Variants in ATP8A2 observed in about 807,000 individuals in gnomAD.
ATP8A2 encodes the protein ATPase phospholipid transporting 8A2, also known as phospholipid-transporting ATPase IB.
A neutral mutation model predicts 165.6 loss-of-function variants in ATP8A2; 100 were observed. The observed-to-expected ratio is 0.60, with a 90% confidence interval of 0.51 to 0.71. ATP8A2 has a LOEUF of 0.71. ATP8A2 is among the 30% of genes least tolerant of loss of function. The pLI is 0.00. For missense variants in ATP8A2, 1,227 were observed against 1,479.5 expected, an observed-to-expected ratio of 0.83 and a Z score of 2.80; for synonymous variants, 543 against 548.8, an observed-to-expected ratio of 0.99 and a Z score of 0.15.
At chr13:25,692,158 A>G (rs2042738644) in intron 24 of ATP8A2, among the ~76,000 whole-genome samples, 3 of 152,228 alleles carry the variant, frequency 2.0e-5, no homozygotes, top group Admixed American at 2.0e-4. Flanking sequence ...ACGGAGGGGA[A>G]GAAAAAGCAT....
intron 18 of ATP8A2, 103 bp downstream of exon 18, chr13:25,571,795 C>G (rs760183276): frequency 9.4e-7 from 1 of 1,063,108 alleles, no homozygotes; most frequent in Non-Finnish European, 1.5e-6. Context: ...ATTTCTCTTT[C>G]AGTGAAAAAT....
chr13:25,871,580 G>C (rs1952678888), intron 33 of ATP8A2, among the ~76,000 whole-genome samples: 1 of 152,172 alleles, frequency 6.6e-6, no homozygotes, highest in Non-Finnish European at 1.5e-5. Flanking sequence ...GTACCAAGAA[G>C]TTTCTGTTTC....
chr13:25,533,457 C>T (rs7319869), intron 6 of ATP8A2, 144 bp downstream of exon 6: 313,668 of 506,248 alleles, frequency 0.62, 102,956 homozygotes, highest in African/African-American at 0.69. Context: ...GTGTTTACTC[C>T]TTCCCTTGCA....
chr13:25,513,987 G>C (rs1413613296), intron 2 of ATP8A2, among the ~76,000 whole-genome samples: 296 of 146,072 alleles, frequency 2.0e-3, no homozygotes, highest in African/African-American at 6.8e-3. Context: ...TGGGAGAGGG[G>C]GAGGGGGAGG....
chr13:25,391,432 C>G (rs1226351914), intron 1 of ATP8A2, among the ~76,000 whole-genome samples: 1 of 152,198 alleles, frequency 6.6e-6, no homozygotes, highest in Non-Finnish European at 1.5e-5. Context: ...AGGTCACCAA[C>G]GTGCCAGGCA....
intron 24 of ATP8A2, among the ~76,000 whole-genome samples, chr13:25,673,417 T>C (rs1320115794): frequency 6.6e-6 from 1 of 152,272 alleles, no homozygotes; most frequent in Non-Finnish European, 1.5e-5. Flanking sequence ...GACTTCTGTA[T>C]ACTGCACAGG....
At chr13:25,466,561 C>A (rs2035673874) in intron 1 of ATP8A2, among the ~76,000 whole-genome samples, 2 of 152,170 alleles carry the variant, frequency 1.3e-5, no homozygotes, top group South Asian at 4.1e-4. Context: ...TTTTCAAGGG[C>A]AGGAACCTGA....
intron 24 of ATP8A2, among the ~76,000 whole-genome samples, chr13:25,621,576 C>T (rs563707351): frequency 6.6e-6 from 1 of 152,282 alleles, no homozygotes; most frequent in South Asian, 2.1e-4. Context: ...TTTTTCTTCA[C>T]TCCAGCTAAT....
intron 15 of ATP8A2, among the ~76,000 whole-genome samples, chr13:25,560,033 G>A (rs573386273): frequency 3.0e-4 from 46 of 152,028 alleles, no homozygotes; most frequent in Non-Finnish European, 5.4e-4. Flanking sequence ...TCACTATGTT[G>A]CTCAGGCTGG....
chr13:25,501,174 A>T (rs1370467181), intron 2 of ATP8A2, among the ~76,000 whole-genome samples: 2 of 152,166 alleles, frequency 1.3e-5, no homozygotes, highest in African/African-American at 4.8e-5. Context: ...CGAGTATGGT[A>T]AGACCTGCAG....
At chr13:25,465,217 G>A (rs1305586586) in intron 1 of ATP8A2, among the ~76,000 whole-genome samples, 1 of 152,108 alleles carries the variant, frequency 6.6e-6, no homozygotes. Context: ...GTTTCCTTAG[G>A]CAATATGTTT....
At chr13:25,659,413 A>G (rs1174219534) in intron 24 of ATP8A2, among the ~76,000 whole-genome samples, 3 of 152,112 alleles carry the variant, frequency 2.0e-5, no homozygotes, top group African/African-American at 7.2e-5. Flanking sequence ...GGCGCCTTTC[A>G]ATGGTTGTCT....
chr13:25,454,619 G>C (rs2035314137), intron 1 of ATP8A2, among the ~76,000 whole-genome samples: 2 of 152,164 alleles, frequency 1.3e-5, no homozygotes, highest in Non-Finnish European at 2.9e-5. Context: ...CAGTGGCACA[G>C]TTGCCTTCTT....
chr13:25,889,022 T>A (rs1953262965), intron 33 of ATP8A2, among the ~76,000 whole-genome samples: 1 of 152,100 alleles, frequency 6.6e-6, no homozygotes, highest in Non-Finnish European at 1.5e-5. Flanking sequence ...TGTCAACGAC[T>A]ATGCCAAGAA....
Position 25,372,403 on chromosome 13 carries a change from CCTGGGCTCT to C in ATP8A2, c.76+123_76+131del, listed in dbSNP as rs2032441291. On this transcript the variant is annotated intron_variant, in intron 1 of 36. Transcript: ENST00000381655. The surrounding 1 kb of genome is among the most constrained non-coding windows in gnomAD (Gnocchi z 4.8). ...GCGCCCCGCTCCCCTCCCTGGGCTC[CCTGGGCTCT>C]CTGGGCTGCAGGATCCGCCGACGCG... 6.7e-6 allele frequency: 5 copies of C among 745,230 alleles called. No individual in the cohort carries two copies. The highest frequency in any genetic ancestry group is 9.0e-5 in the Admixed American group (2 of 22,158). The allele number at this position is 745,230 out of a possible 1,614,324, so 46.2% of individuals were successfully genotyped here.
At chr13:25,979,321 A>T (rs1431100747) in intron 35 of ATP8A2, among the ~76,000 whole-genome samples, 1 of 152,136 alleles carries the variant, frequency 6.6e-6, no homozygotes, top group Non-Finnish European at 1.5e-5. Flanking sequence ...AGAAAAAAAA[A>T]TTATTCTTGG....
chr13:25,476,793 A>T lies in ATP8A2; in HGVS notation c.221+7672A>T, dbSNP rs141220075. On this transcript the variant is annotated intron_variant, in intron 2 of 36. Transcript: ENST00000381655. ...TGTTTAGAAGTGGATATACTTGGTT[A>T]ATTTCCAAGCCAGGCACTGTACTTT... is the stretch of plus-strand genomic sequence containing the variant. 4.7e-3 allele frequency among the ~76,000 whole-genome samples: 720 copies of T among 152,312 alleles called. 6 individuals carry two copies. The highest frequency in any genetic ancestry group is 0.017 in the African/African-American group (692 of 41,570).
intron 24 of ATP8A2, among the ~76,000 whole-genome samples, chr13:25,601,034 G>A (rs1166132028): frequency 4.6e-5 from 7 of 152,144 alleles, no homozygotes; most frequent in Non-Finnish European, 2.9e-5. Context: ...TGAACATCTC[G>A]TGGACCACAC....
chr13:25,531,245 T>TTATATATATGTTATATATGA (rs2038044190), intron 4 of ATP8A2, among the ~76,000 whole-genome samples: 2 of 90,500 alleles, frequency 2.2e-5, no homozygotes, highest in African/African-American at 8.6e-5. Context: ...GATATATATG[T>TTATATATATGTTATATATGA]TATATATGAT....
Sources: allele counts gnomAD v4.1 joint callset (sites outside exome capture counted in the v4.1 genomes callset), GRCh38; gene constraint gnomAD v4.1.1; non-coding constraint Gnocchi (gnomAD v3.1); transcripts MANE v1.5; gene names NCBI Gene and HGNC (gene_info 2026-07-23, HGNC 2026-07-21).